Variants in SMIM35 observed in about 807,000 individuals in gnomAD.
The protein encoded by SMIM35 is TMPRSS4 antisense RNA 1 (non-protein coding).
intron 2 of SMIM35, among the ~76,000 whole-genome samples, chr11:118,015,419 T>C (rs1410270069): frequency 1.3e-5 from 2 of 152,174 alleles, no homozygotes; most frequent in Non-Finnish European, 2.9e-5. Context: ...CAGAGACCGC[T>C]GGCATGGACG....
At chr11:118,055,742 G>A (rs895176640) in intron 1 of SMIM35, among the ~76,000 whole-genome samples, 2 of 152,144 alleles carry the variant, frequency 1.3e-5, no homozygotes, top group South Asian at 2.1e-4. Flanking sequence ...TTATTGATTC[G>A]ATAATCATAT....
intron 1 of SMIM35, among the ~76,000 whole-genome samples, chr11:118,023,275 A>G (rs945455641): frequency 1.3e-5 from 2 of 152,050 alleles, no homozygotes; most frequent in African/African-American, 4.8e-5. Flanking sequence ...AAAAGCCTCA[A>G]TTTCATGTGT....
At chr11:118,049,310 G>A (rs1476794005) in intron 1 of SMIM35, among the ~76,000 whole-genome samples, 3 of 148,592 alleles carry the variant, frequency 2.0e-5, no homozygotes, top group African/African-American at 7.5e-5. Context: ...AAGGGAAGCT[G>A]CAATTCTCGC....
At chr11:118,047,408 C>T (rs905292645) in intron 1 of SMIM35, among the ~76,000 whole-genome samples, 26 of 152,126 alleles carry the variant, frequency 1.7e-4, no homozygotes, top group African/African-American at 6.0e-4. Context: ...TGGCCCCAGT[C>T]GGGGCTTTGG....
intron 1 of SMIM35, among the ~76,000 whole-genome samples, chr11:118,075,801 A>G: frequency 6.6e-6 from 1 of 152,268 alleles, no homozygotes; most frequent in East Asian, 1.9e-4. Flanking sequence ...ACTTTGGGTC[A>G]TTGACTTTGC....
intron 1 of SMIM35, among the ~76,000 whole-genome samples, chr11:118,024,015 C>CAAAA (rs34791559): frequency 0.033 from 4,425 of 134,364 alleles, 101 homozygotes; most frequent in Non-Finnish European, 0.053. Context: ...ATGCCTTCTC[C>CAAAA]AAAAAAAAAA....
intron 1 of SMIM35, among the ~76,000 whole-genome samples, chr11:118,084,063 C>A (rs1165860039): frequency 6.6e-6 from 1 of 152,108 alleles, no homozygotes; most frequent in Non-Finnish European, 1.5e-5. Context: ...AAACAATTAT[C>A]GTACTCTTAC....
intron 1 of SMIM35, among the ~76,000 whole-genome samples, chr11:118,066,824 TA>T (rs35584570): frequency 0.74 from 109,257 of 146,962 alleles, 40,561 homozygotes; most frequent in Admixed American, 0.8. Context: ...GACCTTGACT[TA>T]AAAAAAAAAA....
chr11:118,031,145 C>T (rs192293520), intron 1 of SMIM35, among the ~76,000 whole-genome samples: 56 of 152,238 alleles, frequency 3.7e-4, no homozygotes, highest in Non-Finnish European at 6.9e-4. Flanking sequence ...GAATAAATTT[C>T]GTGGTGTTAG....
intron 1 of SMIM35, among the ~76,000 whole-genome samples, chr11:118,026,740 G>A (rs2058276951): frequency 6.6e-6 from 1 of 152,096 alleles, no homozygotes; most frequent in South Asian, 2.1e-4. Context: ...GACTGAGGCA[G>A]GAGAATTGCT....
intron 1 of SMIM35, among the ~76,000 whole-genome samples, chr11:118,051,169 C>T (rs1341863461): frequency 6.6e-6 from 1 of 152,182 alleles, no homozygotes; most frequent in African/African-American, 2.4e-5. Context: ...AGCAGAGAAA[C>T]TATCCTATCC....
chr11:118,030,704 C>T (rs905453928), intron 1 of SMIM35, among the ~76,000 whole-genome samples: 7 of 151,476 alleles, frequency 4.6e-5, no homozygotes, highest in African/African-American at 1.5e-4. Flanking sequence ...CAGGGCTGAG[C>T]AGGAAGAGGA....
intron 1 of SMIM35, among the ~76,000 whole-genome samples, chr11:118,036,805 A>G (rs1455988410): frequency 1.3e-5 from 2 of 152,182 alleles, no homozygotes; most frequent in East Asian, 3.9e-4. Flanking sequence ...AAGATTTAAT[A>G]GAGTGAAAAC....
intron 1 of SMIM35, among the ~76,000 whole-genome samples, chr11:118,053,027 C>A (rs74235117): frequency 6.6e-6 from 1 of 152,122 alleles, no homozygotes; most frequent in African/African-American, 2.4e-5. Context: ...AGCTCACAGC[C>A]GGGTCCGGTG....
intron 1 of SMIM35, among the ~76,000 whole-genome samples, chr11:118,075,067 T>C (rs1328270950): frequency 6.6e-6 from 1 of 152,184 alleles, no homozygotes; most frequent in African/African-American, 2.4e-5. Context: ...GGTAAAGCAA[T>C]GCAAACCTGT....
chr11:118,058,540 G>A (rs536719756), intron 1 of SMIM35, among the ~76,000 whole-genome samples: 1 of 152,332 alleles, frequency 6.6e-6, no homozygotes, highest in East Asian at 1.9e-4. Context: ...TGAGAGGCAC[G>A]TGCCTGGGAC....
intron 1 of SMIM35, among the ~76,000 whole-genome samples, chr11:118,052,907 A>G (rs925660891): frequency 6.6e-6 from 1 of 152,122 alleles, no homozygotes; most frequent in African/African-American, 2.4e-5. Flanking sequence ...CTGTCATAGC[A>G]CAAATACCCC....
chr11:118,028,597 T>C, intron 1 of SMIM35: 1 of 234,648 alleles, frequency 4.3e-6, no homozygotes, highest in Non-Finnish European at 8.6e-6. Flanking sequence ...GTATATAAAA[T>C]GTTGACATGG....
chr11:118,010,509 A>G (rs2058144485), intron 4 of SMIM35, among the ~76,000 whole-genome samples: 1 of 152,176 alleles, frequency 6.6e-6, no homozygotes, highest in Non-Finnish European at 1.5e-5. Flanking sequence ...CAGTTTTAGG[A>G]GTTACTAAAG....
Sources: allele counts gnomAD v4.1 joint callset (sites outside exome capture counted in the v4.1 genomes callset), GRCh38; gene constraint gnomAD v4.1.1; transcripts MANE v1.5; gene names NCBI Gene and HGNC (gene_info 2026-07-23, HGNC 2026-07-21).